The following ROBO2 variants were observed in gnomAD, a reference collection of about 807,000 sequenced individuals.
The protein encoded by ROBO2 is roundabout homolog 2.
A neutral mutation model predicts 160.8 loss-of-function variants in ROBO2; 53 were observed. The observed-to-expected ratio is 0.33, with a 90% CI of 0.26 to 0.41. The LOEUF is 0.41. Ranked by LOEUF, ROBO2 falls within the 10% of genes least tolerant of loss-of-function variation. The pLI is 1.00. For synonymous variants in ROBO2, 664 were observed against 611.7 expected (o/e 1.09, Z -1.26); for missense variants, 1,577 against 1,722.4 (o/e 0.92, Z 1.49).
chr3:75,927,954 C>T (rs931698225), intron 1 of ROBO2, among the ~76,000 whole-genome samples: 1 of 148,154 alleles, frequency 6.7e-6, no homozygotes, highest in Non-Finnish European at 1.5e-5. Flanking sequence ...TGTATTATAG[C>T]CTTTCTTTAA....
intron 2 of ROBO2, among the ~76,000 whole-genome samples, chr3:76,320,280 T>C (rs1410829334): frequency 6.6e-6 from 1 of 152,182 alleles, no homozygotes; most frequent in Non-Finnish European, 1.5e-5. Context: ...AATATGACTA[T>C]ATTCTTATGT....
chr3:76,836,714 G>T (rs1382458906), intron 2 of ROBO2, among the ~76,000 whole-genome samples: 7 of 151,092 alleles, frequency 4.6e-5, no homozygotes, highest in East Asian at 3.9e-4. Flanking sequence ...TTCTTTTATT[G>T]GTTTTTATTT....
rs542565967 is a variant in ROBO2, at chr3:76,600,951, G to A, written c.110-497063G>A. On this transcript the variant is annotated intron_variant, in intron 2 of 26. Transcript: ENST00000487694. ...CAAGTTAGTTACTTCCTAGATACAA[G>A]GGGGTTATGGGCATTGGATAAATAC... is the stretch of plus-strand genomic sequence containing the variant. 1.2e-4 allele frequency among the ~76,000 whole-genome samples: 18 copies of A among 152,276 alleles called. No individual in the cohort carries two copies. In the South Asian group the frequency reaches 3.7e-3, roughly 32 times the overall value.
intron 2 of ROBO2, among the ~76,000 whole-genome samples, chr3:76,572,178 C>A (rs2084996302): frequency 6.6e-6 from 1 of 152,230 alleles, no homozygotes; most frequent in South Asian, 2.1e-4. Flanking sequence ...GCAGTACTAT[C>A]ACTAACCCCA....
chr3:75,929,550 G>A (rs1216627975), intron 1 of ROBO2, among the ~76,000 whole-genome samples: 1 of 152,150 alleles, frequency 6.6e-6, no homozygotes, highest in African/African-American at 2.4e-5. Flanking sequence ...TGAGGTGGTT[G>A]TTCTTGGTTC....
At chr3:76,672,084 T>C (rs1366694051) in intron 2 of ROBO2, among the ~76,000 whole-genome samples, 3 of 152,092 alleles carry the variant, frequency 2.0e-5, no homozygotes, top group Admixed American at 2.0e-4. Context: ...AAAAAAAAGC[T>C]TATTTTTATT....
At chr3:76,644,477 A>C (rs1485446071) in intron 2 of ROBO2, among the ~76,000 whole-genome samples, 3 of 152,050 alleles carry the variant, frequency 2.0e-5, no homozygotes. Flanking sequence ...TCTTTTTTTC[A>C]GTGTACCTTG....
At chr3:76,529,351 A>AT (rs767352135) in intron 2 of ROBO2, among the ~76,000 whole-genome samples, 13 of 151,906 alleles carry the variant, frequency 8.6e-5, no homozygotes, top group South Asian at 8.3e-4. Flanking sequence ...AGATTGGAGT[A>AT]TTTTTTTTGG....
intron 2 of ROBO2, among the ~76,000 whole-genome samples, chr3:76,553,219 G>A (rs146421806): frequency 9.3e-4 from 142 of 152,200 alleles, no homozygotes; most frequent in African/African-American, 3.4e-3. Context: ...GTGAGAAAGG[G>A]GTCAAAACTG....
Position 76,628,433 on chromosome 3 carries a change from G to GTTTT in ROBO2, c.110-469567_110-469564dup, listed in dbSNP as rs10670772. ...TCACTCGCTATCCACTAATTTTTAGGTTTTTTTTTTTTTTTTTAGAGATGG... is the reference window on the plus strand; with the variant it reads ...TCACTCGCTATCCACTAATTTTTAGGTTTTTTTTTTTTTTTTTTTTTAGAGATGG... On this transcript the variant is annotated intron_variant, in intron 2 of 26. Transcript: ENST00000487694. Among the ~76,000 whole-genome samples, 50 of 135,354 alleles carry GTTTT rather than the reference G, an allele frequency of 3.7e-4. 2 individuals carry two copies. Among genetic ancestry groups the GTTTT allele is most frequent in the Middle Eastern group, 3.9e-3 (1 of 258 alleles). The allele number at this position is 135,354 out of a possible 152,430, so 88.8% of individuals were successfully genotyped here.
At chr3:77,328,125 C>T (rs567112877) in intron 2 of ROBO2, among the ~76,000 whole-genome samples, 1 of 151,188 alleles carries the variant, frequency 6.6e-6, no homozygotes, top group East Asian at 2.0e-4. Context: ...TGTTTACTCA[C>T]CCGCTTTTCC....
At chr3:76,866,309 A>G (rs1334545251) in intron 2 of ROBO2, among the ~76,000 whole-genome samples, 1 of 152,160 alleles carries the variant, frequency 6.6e-6, no homozygotes, top group African/African-American at 2.4e-5. Context: ...GGTAAACATA[A>G]TCTTTGGAAG....
In ROBO2 at chr3:76,642,423, A is replaced by G. The variant is rs138659385; in HGVS notation, c.110-455591A>G. Among the ~76,000 whole-genome samples the G allele has an allele frequency of 3.4e-3, 472 of 136,870 alleles. 2 individuals carry two copies. The highest frequency in any genetic ancestry group is 0.013 in the African/African-American group (441 of 34,402). The allele number at this position is 136,870 out of a possible 152,430, so 89.8% of individuals were successfully genotyped here. A position where few individuals can be genotyped will look rare whatever the true frequency, so the allele number is the denominator to read the frequency against. ...GCTGGAGTGTAATGGCGTGATCTCA[A>G]TTCACTGCAAATTCTGCCTCCCGGG... On this transcript the variant is annotated intron_variant, in intron 2 of 26. Coordinates refer to the ROBO2 transcript ENST00000487694.
chr3:76,180,566 C>T (rs1422622418), intron 2 of ROBO2, among the ~76,000 whole-genome samples: 2 of 152,088 alleles, frequency 1.3e-5, no homozygotes, highest in Non-Finnish European at 2.9e-5. Context: ...TTCCTTCTGA[C>T]AAATCCAACG....
At chr3:76,535,619 C>T (rs1048328152) in intron 2 of ROBO2, among the ~76,000 whole-genome samples, 10 of 151,942 alleles carry the variant, frequency 6.6e-5, no homozygotes, top group Non-Finnish European at 1.2e-4. Context: ...TAAAATGTCT[C>T]GGCCTAATGA....
chr3:76,047,433 A>C (rs2067487929), intron 2 of ROBO2, among the ~76,000 whole-genome samples: 1 of 152,140 alleles, frequency 6.6e-6, no homozygotes. Flanking sequence ...CCTAACCTGC[A>C]CTCAACATGT....
intron 2 of ROBO2, among the ~76,000 whole-genome samples, chr3:76,731,212 A>C (rs536350131): frequency 6.6e-6 from 1 of 152,354 alleles, no homozygotes; most frequent in African/African-American, 2.4e-5. Context: ...TGACAACATT[A>C]TAATTCATAT....
intron 2 of ROBO2, chr3:75,937,715 A>G: frequency 1.7e-6 from 1 of 592,090 alleles, no homozygotes; most frequent in Non-Finnish European, 2.8e-6. Flanking sequence ...ATTTTCCCCC[A>G]GGTTTTTGTT....
chr3:76,645,086 T>C (rs548128714), intron 2 of ROBO2, among the ~76,000 whole-genome samples: 1 of 152,358 alleles, frequency 6.6e-6, no homozygotes, highest in Non-Finnish European at 1.5e-5. Flanking sequence ...TGCTTCTCCA[T>C]GAATAGGTGA....
Sources: allele counts gnomAD v4.1 joint callset (sites outside exome capture counted in the v4.1 genomes callset), GRCh38; gene constraint gnomAD v4.1.1; transcripts MANE v1.5; gene names NCBI Gene and HGNC (gene_info 2026-07-23, HGNC 2026-07-21).